Variants in ARHGAP6 observed in about 807,000 individuals in gnomAD.
ARHGAP6 encodes rho GTPase-activating protein 6.
ARHGAP6 carries 16 observed loss-of-function variants against 55.7 expected under a neutral mutation model. The observed-to-expected ratio is 0.29, with a 90% CI of 0.19 to 0.44. ARHGAP6 has a LOEUF of 0.44. ARHGAP6 is among the 20% of genes least tolerant of loss of function. ARHGAP6 has a pLI of 1.00. For missense variants in ARHGAP6, 698 were observed against 808.9 expected (o/e 0.86, Z 1.66); for synonymous variants, 382 against 360.9 (o/e 1.06, Z -0.66).
intron 9 of ARHGAP6, among the ~76,000 whole-genome samples, chrX:11,168,273 G>A (rs925374103): frequency 2.7e-5 from 3 of 112,319 alleles, no homozygotes; most frequent in Non-Finnish European, 5.6e-5. Context: ...TGACTTTTGA[G>A]GCAGCACGTG....
At chrX:11,544,111 G>A (rs2051188332) in intron 1 of ARHGAP6, among the ~76,000 whole-genome samples, 1 of 112,032 alleles carries the variant, frequency 8.9e-6, no homozygotes, top group African/African-American at 3.2e-5. Flanking sequence ...TGGTTCAATT[G>A]TTTTTAGGCA....
At chrX:11,536,955 A>G (rs1455832079) in intron 1 of ARHGAP6, among the ~76,000 whole-genome samples, 2 of 112,402 alleles carry the variant, frequency 1.8e-5, no homozygotes, top group Non-Finnish European at 3.8e-5. Flanking sequence ...TTGTTTTCCT[A>G]GACTTGATAG....
intron 1 of ARHGAP6, among the ~76,000 whole-genome samples, chrX:11,575,219 G>A (rs2051581989): frequency 8.9e-6 from 1 of 111,861 alleles, no homozygotes; most frequent in African/African-American, 3.2e-5. Context: ...GGAGTACACA[G>A]ATTGAACATG....
At chrX:11,579,675 T>A (rs1330624654) in intron 1 of ARHGAP6, among the ~76,000 whole-genome samples, 1 of 112,081 alleles carries the variant, frequency 8.9e-6, no homozygotes, top group Non-Finnish European at 1.9e-5. Flanking sequence ...CTCCAGAAAA[T>A]TTCTAGTGGT....
intron 1 of ARHGAP6, among the ~76,000 whole-genome samples, chrX:11,262,804 A>C (rs2047578309): frequency 9.0e-6 from 1 of 111,413 alleles, no homozygotes; most frequent in African/African-American, 3.3e-5. Flanking sequence ...ACTTGGATTC[A>C]GATAGATGGC....
chrX:11,201,163 GA>G (rs1331310292), intron 2 of ARHGAP6, among the ~76,000 whole-genome samples: 1 of 112,232 alleles, frequency 8.9e-6, no homozygotes, highest in Non-Finnish European at 1.9e-5. Context: ...GCACTAATAT[GA>G]GAGTTAGTTA....
At position 11,179,337 on chromosome X, in the gene ARHGAP6, G is replaced by A; in HGVS notation, c.1445C>T (p.Thr482Ile). ...GATGAAAGCTGTGTACAGCTCCCTGGTGAGAAGGGGGTCTGGCATGTCCCT... is the reference window on the plus strand; with the variant it reads ...GATGAAAGCTGTGTACAGCTCCCTGATGAGAAGGGGGTCTGGCATGTCCCT... ...FLRDMPDPLL[T>I]RELYTAFINT... The change falls in exon 7 of 13, where the codon ACC becomes ATC. Residue 482 changes from threonine to isoleucine, a missense_variant. Physicochemically the swap from Thr to Ile is moderately conservative, Grantham distance 89. Around this residue, in one of 3 missense-constraint regions of ARHGAP6, gnomAD observed 322 missense variants for 451.1 expected, o/e 0.71. Coordinates refer to ENST00000337414, the MANE Select transcript of ARHGAP6 (RefSeq NM_013427.3). 1 of 1,208,992 alleles carries A rather than the reference G, an allele frequency of 8.3e-7. No homozygotes were observed. The highest frequency in any genetic ancestry group is 1.1e-6 in the Non-Finnish European group (1 of 894,262).
intron 1 of ARHGAP6, among the ~76,000 whole-genome samples, chrX:11,407,375 T>C (rs935030480): frequency 3.6e-5 from 4 of 112,521 alleles, no homozygotes; most frequent in Non-Finnish European, 7.5e-5. Flanking sequence ...TGGTTGACCA[T>C]ATTTTGTTTA....
At chrX:11,405,751 T>C (rs2147757969) in intron 1 of ARHGAP6, among the ~76,000 whole-genome samples, 1 of 111,873 alleles carries the variant, frequency 8.9e-6, no homozygotes, top group South Asian at 3.8e-4. Context: ...TAAGACAGCT[T>C]AACTTAAGGG....
At chrX:11,503,086 G>C (rs1014465494) in intron 1 of ARHGAP6, among the ~76,000 whole-genome samples, 4 of 110,298 alleles carry the variant, frequency 3.6e-5, no homozygotes, top group Non-Finnish European at 5.7e-5. Context: ...AGTAGAGACG[G>C]GGTTTCACCA....
At chrX:11,628,194 G>A in intron 1 of ARHGAP6, among the ~76,000 whole-genome samples, 1 of 112,301 alleles carries the variant, frequency 8.9e-6, no homozygotes. Context: ...AAAACAAAAT[G>A]TACTAGATAG....
chrX:11,396,516 A>T (rs946422536), intron 1 of ARHGAP6, among the ~76,000 whole-genome samples: 1 of 111,342 alleles, frequency 9.0e-6, no homozygotes, highest in African/African-American at 3.3e-5. Context: ...TGATCAACAT[A>T]TTTTTTCCAA....
At chrX:11,464,599 C>T (rs775684308) in intron 1 of ARHGAP6, among the ~76,000 whole-genome samples, 1 of 112,450 alleles carries the variant, frequency 8.9e-6, no homozygotes, top group Non-Finnish European at 1.9e-5. Flanking sequence ...AGTTCAACTG[C>T]AAAGCTAAAG....
In ARHGAP6 at chrX:11,144,013, T is replaced by G. The variant is rs1202397001; in HGVS notation, c.2143A>C (p.Arg715=). ...AGCCTTGGTCCAGGAGAACTTTCCC[T>G]TGACTTTGACGACGACAAGTGGCCC... ...LVGHLSSSKS[R]ESSPGPRLGK... The change falls in exon 11 of 13, where the codon AGG becomes CGG. Residue 715 remains arginine (R), a synonymous_variant. Coordinates refer to ENST00000337414, the MANE Select transcript of ARHGAP6 (RefSeq NM_013427.3). The G allele has an allele frequency of 5.8e-6, 7 of 1,210,082 alleles. No homozygotes were observed. The East Asian group carries it at 2.1e-4, about 36-fold the overall frequency.
chrX:11,549,094 A>C (rs2051240340), intron 1 of ARHGAP6, among the ~76,000 whole-genome samples: 1 of 112,392 alleles, frequency 8.9e-6, no homozygotes, highest in African/African-American at 3.2e-5. Flanking sequence ...CGTTAGGCCT[A>C]AACTAATATA....
At chrX:11,492,341 C>T (rs1257964102) in intron 1 of ARHGAP6, among the ~76,000 whole-genome samples, 2 of 111,523 alleles carry the variant, frequency 1.8e-5, no homozygotes, top group Admixed American at 1.9e-4. Flanking sequence ...CCATAAAAAC[C>T]CTAGAAGAAA....
intron 3 of ARHGAP6, among the ~76,000 whole-genome samples, chrX:11,196,531 C>T (rs781201453): frequency 9.0e-6 from 1 of 111,709 alleles, no homozygotes; most frequent in South Asian, 3.8e-4. Flanking sequence ...GAGACTGTTT[C>T]TTTCCAGTAG....
intron 2 of ARHGAP6, among the ~76,000 whole-genome samples, chrX:11,216,135 A>G (rs2046878955): frequency 1.8e-5 from 2 of 108,702 alleles, no homozygotes; most frequent in African/African-American, 6.7e-5. Flanking sequence ...ATGGGCAGAG[A>G]GCCAAAAGGG....
intron 1 of ARHGAP6, among the ~76,000 whole-genome samples, chrX:11,364,802 G>T (rs1374926436): frequency 9.0e-6 from 1 of 111,313 alleles, no homozygotes; most frequent in Admixed American, 9.5e-5. Flanking sequence ...CCCTGTTCAG[G>T]AGTAGATAGA....
Sources: allele counts gnomAD v4.1 joint callset (sites outside exome capture counted in the v4.1 genomes callset), GRCh38; gene constraint gnomAD v4.1.1; regional missense constraint gnomAD v4.1.1; transcripts MANE v1.5; gene names NCBI Gene and HGNC (gene_info 2026-07-23, HGNC 2026-07-21).